ERBB3: variants seen among roughly 807,000 people sequenced by gnomAD.
The protein encoded by ERBB3 is receptor tyrosine-protein kinase erbB-3.
In ERBB3, 96 loss-of-function variants were observed where a neutral mutation model predicts 156.7. The ratio of observed to expected loss-of-function variants is 0.61; its 90% CI spans 0.52 to 0.73. The LOEUF is 0.73. Ranked by LOEUF, ERBB3 falls within the 30% of genes least tolerant of loss-of-function variation. ERBB3 has a pLI of 0.00. For synonymous variants in ERBB3, 567 were observed against 632.0 expected (o/e 0.90, Z 1.54); for missense variants, 1,406 against 1,709.4 (o/e 0.82, Z 3.13).
intron 1 of ERBB3, among the ~76,000 whole-genome samples, chr12:56,081,403 A>T (rs1868352630): frequency 6.6e-6 from 1 of 152,038 alleles, no homozygotes; most frequent in East Asian, 1.9e-4. Flanking sequence ...CTCCCCTCAG[A>T]TCTCAGCTTG....
rs1868562396 is a variant in ERBB3, at chr12:56,088,543, A to G, written c.875A>G (p.His292Arg). Reference protein sequence around the residue: ...YGGVCVASCPHNFVVDQTSCV... With the variant: ...YGGVCVASCPRNFVVDQTSCV... ...ATGGTGTCCTCCTCCTCTTCCCTAG[A>G]TAACTTTGTGGTGGATCAAACATCC... is the stretch of plus-strand genomic sequence containing the variant. Residue 292 changes from histidine to arginine, a missense_variant and splice_region_variant, in exon 8 of 28, where the codon CAT becomes CGT. His to Arg is a conservative substitution (Grantham distance 29). Around this residue, in one of 3 missense-constraint regions of ERBB3, gnomAD observed 979 missense variants for 1,219.6 expected, o/e 0.80. Coordinates refer to ENST00000267101, the MANE Select transcript of ERBB3 (RefSeq NM_001982.4). 6.2e-7 allele frequency: 1 copy of G among 1,608,258 alleles called. No homozygotes were observed. Among genetic ancestry groups the G allele is most frequent in the African/African-American group, 1.3e-5 (1 of 74,768 alleles).
chr12:56,085,459 C>T lies in ERBB3; in HGVS notation c.421+278C>T, dbSNP rs148655905. 2.9e-4 allele frequency: 402 copies of T among 1,396,646 alleles called. 4 individuals carry two copies. The East Asian group carries it at 5.9e-3, about 20-fold the overall frequency. The allele number at this position is 1,396,646 out of a possible 1,614,324, so 86.5% of individuals were successfully genotyped here. On this transcript the variant is annotated intron_variant, in intron 3 of 27. Coordinates refer to ENST00000267101, the MANE Select transcript of ERBB3 (RefSeq NM_001982.4). ...TTTCTAATTTCAAAGTACAGTGTAC[C>T]GGAGGCCAGGCCTGATGGCTTACAC...
At chr12:56,086,047 C>A (rs59398518) in intron 3 of ERBB3, among the ~76,000 whole-genome samples, 5 of 117,394 alleles carry the variant, frequency 4.3e-5, no homozygotes, top group African/African-American at 1.5e-4. Flanking sequence ...CCAGCCTGGG[C>A]GACAGAGCGA....
chr12:56,080,456 T>C, intron 1 of ERBB3, 74 bp downstream of exon 1: 1 of 1,250,668 alleles, frequency 8.0e-7, no homozygotes, highest in South Asian at 1.3e-5. Flanking sequence ...TCGGAGGGTA[T>C]GGGCACGGTC....
chr12:56,091,410 AT>A (rs200790453), intron 9 of ERBB3, among the ~76,000 whole-genome samples: 142 of 61,180 alleles, frequency 2.3e-3, no homozygotes, highest in East Asian at 7.3e-3. Flanking sequence ...ATATATATAT[AT>A]TTTTTTTTTT....
intron 9 of ERBB3, among the ~76,000 whole-genome samples, chr12:56,091,302 T>TATATATATATA (rs1565858549): frequency 2.7e-4 from 23 of 85,782 alleles, no homozygotes; most frequent in Non-Finnish European, 4.2e-4. Context: ...ATATAAATAA[T>TATATATATATA]ATATATAAAT....
In ERBB3 at chr12:56,092,812, A is replaced by C; in HGVS notation, c.1175A>C (p.Glu392Ala). The C allele has an allele frequency of 6.2e-7, 1 of 1,614,024 alleles. No individual in the cohort carries two copies. The highest frequency in any genetic ancestry group is 8.5e-7 in the Non-Finnish European group (1 of 1,179,866). The change falls in exon 10 of 28, where the codon GAG (glutamate) becomes GCG (alanine). Residue 392 changes from glutamate to alanine, a missense_variant. Physicochemically the swap from Glu to Ala is moderately radical, Grantham distance 107. Around this residue, in one of 3 missense-constraint regions of ERBB3, gnomAD observed 979 missense variants for 1,219.6 expected, o/e 0.80. Coordinates refer to ENST00000267101, the MANE Select transcript of ERBB3 (RefSeq NM_001982.4). ...CTCAATGTCTTCCGGACAGTACGGG[A>C]GATCACAGGTGAGTGGCAGAGAGTT... ...EKLNVFRTVR[E>A]ITGYLNIQSW...
rs747462791 is a variant in ERBB3 at position 56,098,832 on chromosome 12, C to A, written c.2766C>A (p.Asp922Glu). Residue 922 changes from aspartate to glutamate, a missense_variant, in exon 23 of 28, where the codon GAC becomes GAA. Asp to Glu is a conservative substitution (Grantham distance 45). Around this residue, in one of 3 missense-constraint regions of ERBB3, gnomAD observed 979 missense variants for 1,219.6 expected, o/e 0.80. Coordinates refer to ENST00000267101, the MANE Select transcript of ERBB3 (RefSeq NM_001982.4). Reference protein sequence around the residue: ...YAGLRLAEVPDLLEKGERLAQ... With the variant: ...YAGLRLAEVPELLEKGERLAQ... ...GGCTACGATTGGCTGAAGTACCAGA[C>A]CTGCTAGAGAAGGGGGAGCGGTTGG... 2 of 1,613,980 alleles carry A rather than the reference C, an allele frequency of 1.2e-6. No homozygotes were observed. Among genetic ancestry groups the A allele is most frequent in the South Asian group, 1.1e-5 (1 of 91,082 alleles).
chr12:56,100,302 G>C, intron 26 of ERBB3, 57 bp downstream of exon 26: 3 of 1,342,442 alleles, frequency 2.2e-6, no homozygotes, highest in Non-Finnish European at 3.2e-6. Context: ...GAGTAGTATG[G>C]AAGACATTAG....
chr12:56,097,275 G>A (rs940818166), intron 20 of ERBB3, 45 bp downstream of exon 20: 1 of 1,582,522 alleles, frequency 6.3e-7, no homozygotes, highest in Non-Finnish European at 8.7e-7. Context: ...CTGCTTGTCT[G>A]GGGGCCAGCC....
chr12:56,094,626 G>T, intron 15 of ERBB3, 70 bp downstream of exon 15: 1 of 1,544,826 alleles, frequency 6.5e-7, no homozygotes, highest in African/African-American at 1.4e-5. Context: ...AGTGAGGGAA[G>T]CAGAAAGAAG....
At chr12:56,096,028 G>A in intron 17 of ERBB3, 1 of 605,086 alleles carries the variant, frequency 1.7e-6, no homozygotes, top group Non-Finnish European at 2.9e-6. Flanking sequence ...ATGCATTCTA[G>A]TCCTGATTTT....
At chr12:56,095,618 G>T in intron 16 of ERBB3, 47 bp from the exon 17 acceptor site, 1 of 1,610,726 alleles carries the variant, frequency 6.2e-7, no homozygotes, top group Middle Eastern at 1.7e-4. Context: ...ACATTTGTAA[G>T]GAAGATGCAA....
intron 11 of ERBB3, 69 bp from the exon 12 acceptor site, chr12:56,093,276 A>G (rs1309654027): frequency 6.9e-7 from 1 of 1,448,336 alleles, no homozygotes. Context: ...TTCTTGACTA[A>G]CATGAATCCT....
In ERBB3 at chr12:56,087,560, C is replaced by A. The variant is rs751374743; in HGVS notation, c.548-17C>A. The stretch of plus-strand genomic sequence containing the variant: ...TTAGCCCTGATGGCCCCTTGTGTTG[C>A]CTTCCTTCCCAACCAGGTCCCCCCT... On this transcript the variant is annotated splice_polypyrimidine_tract_variant and intron_variant, in intron 4 of 27. Transcript: ENST00000267101. 1.4e-5 allele frequency: 22 copies of A among 1,612,488 alleles called. No homozygotes were observed. In the Admixed American group the frequency reaches 3.0e-4, roughly 22 times the overall value.
intron 23 of ERBB3, 99 bp downstream of exon 23, chr12:56,099,004 G>C (rs1462677821): frequency 4.4e-6 from 5 of 1,134,666 alleles, no homozygotes; most frequent in Non-Finnish European, 6.3e-6. Context: ...ACCCAGGCTG[G>C]AGTGCAATGG....
Position 56,087,916 on chromosome 12 carries a change from AT to A in ERBB3, c.732+4del. On this transcript the variant is annotated splice_donor_region_variant and intron_variant, in intron 6 of 27. Transcript: ENST00000267101. ...GCCCTCAGGACACAGACTGCTTTGT[AT>A]GTACCCTTTCCATTGCCTGGGTTCT... The A allele has an allele frequency of 6.2e-7, 1 of 1,613,742 alleles. No individual in the cohort carries two copies. The highest frequency in any genetic ancestry group is 1.6e-4 in the Middle Eastern group (1 of 6,062).
Position 56,102,968 on chromosome 12 carries a change from G to GAAAA in ERBB3, c.*922_*925dup. ...ATAGCAAGACACTGTCTCTACAGGGGAAAAAAAAAAAAGAAACTGAGCCTT... is the reference window on the plus strand; with the variant it reads ...ATAGCAAGACACTGTCTCTACAGGGGAAAAAAAAAAAAAAAAGAAACTGAGCCTT... On this transcript the variant is annotated 3_prime_UTR_variant, in exon 28 of 28. Coordinates refer to ENST00000267101, the MANE Select transcript of ERBB3 (RefSeq NM_001982.4). The GAAAA allele has an allele frequency of 5.0e-6, 1 of 201,198 alleles. No individual in the cohort carries two copies. The highest frequency in any genetic ancestry group is 6.3e-5 in the Admixed American group (1 of 15,822). 12.5% of individuals were successfully genotyped at this position (201,198 alleles called of 1,614,324 possible).
chr12:56,100,717 G>A (rs1015384099), intron 26 of ERBB3, among the ~76,000 whole-genome samples: 9 of 149,286 alleles, frequency 6.0e-5, no homozygotes, highest in African/African-American at 2.2e-4. Context: ...CGAGGTGGGC[G>A]GATCATGAGG....
Sources: allele counts gnomAD v4.1 joint callset (sites outside exome capture counted in the v4.1 genomes callset), GRCh38; gene constraint gnomAD v4.1.1; regional missense constraint gnomAD v4.1.1; transcripts MANE v1.5; gene names NCBI Gene and HGNC (gene_info 2026-07-23, HGNC 2026-07-21).